The following TMPRSS7 variants were observed in gnomAD, a reference collection of about 807,000 sequenced individuals.
The protein encoded by TMPRSS7 is transmembrane protease serine 7.
In TMPRSS7, 81 loss-of-function variants were observed where a neutral mutation model predicts 95.6. The ratio of observed to expected loss-of-function variants is 0.85; its 90% CI spans 0.71 to 1.02. The LOEUF (loss-of-function observed/expected upper bound fraction) is 1.02, where lower values mean the gene tolerates loss of function less well. TMPRSS7 is among the 50% of genes least tolerant of loss of function. The pLI is 0.00. For synonymous variants in TMPRSS7, 364 were observed against 337.8 expected (o/e 1.08, Z -0.85); for missense variants, 945 against 955.2 (o/e 0.99, Z 0.14).
chr3:112,075,543 A>G, intron 15 of TMPRSS7, 51 bp downstream of exon 15: 1 of 1,320,358 alleles, frequency 7.6e-7, no homozygotes, highest in Non-Finnish European at 9.8e-7. Context: ...GCCATAGACA[A>G]TATATCTGCC....
intron 13 of TMPRSS7, among the ~76,000 whole-genome samples, chr3:112,069,422 C>G (rs2073615440): frequency 6.6e-6 from 1 of 152,184 alleles, no homozygotes; most frequent in Non-Finnish European, 1.5e-5. Flanking sequence ...CTTTGTGCCT[C>G]TGATAGAATT....
chr3:112,034,782 G>A (rs2073140045), upstream of TMPRSS7: 1 of 701,136 alleles, frequency 1.4e-6, no homozygotes, highest in Non-Finnish European at 2.6e-6. Context: ...TCTCAAGAGA[G>A]CATATAAGGG....
rs1356060752 is a variant in TMPRSS7, at chr3:112,042,054, A to G, written c.429+4A>G. ...GTCACGGACTGTGCAGCAAGTGGTG[A>G]GGCGATGGAGGTAGAGGGTATTAGG... On this transcript the variant is annotated splice_donor_region_variant and intron_variant, in intron 3 of 17. Transcript: ENST00000452346. The G allele has an allele frequency of 6.4e-7, 1 of 1,551,142 alleles. No homozygotes were observed. The highest frequency in any genetic ancestry group is 1.2e-5 in the South Asian group (1 of 84,032).
intron 16 of TMPRSS7, 132 bp from the exon 17 acceptor site, chr3:112,078,607 ATAG>A (rs1232920531): frequency 8.7e-7 from 1 of 1,146,628 alleles, no homozygotes; most frequent in Non-Finnish European, 1.2e-6. Context: ...AATGAGGATA[ATAG>A]TAGAATTTAC....
intron 12 of TMPRSS7, among the ~76,000 whole-genome samples, chr3:112,063,836 G>A (rs1283416442): frequency 6.6e-6 from 1 of 152,120 alleles, no homozygotes; most frequent in Non-Finnish European, 1.5e-5. Flanking sequence ...TCTAGGCTGG[G>A]CTCATATGGG....
intron 14 of TMPRSS7, among the ~76,000 whole-genome samples, chr3:112,074,826 G>A (rs918103025): frequency 6.6e-6 from 1 of 152,166 alleles, no homozygotes; most frequent in African/African-American, 2.4e-5. Context: ...TATTAGTCAT[G>A]TGGCTACTAC....
At chr3:112,063,535 T>G (rs1270425101) in exon 12 of TMPRSS7, 1 of 1,613,922 alleles carries the variant, frequency 6.2e-7, no homozygotes, top group African/African-American at 1.3e-5. Context: ...CCTGCCCTGT[T>G]GGATCTTTTA....
rs574287382 is a variant in TMPRSS7, at chr3:112,080,578, C to CACT, written c.2362-334_2362-333insTAC. ...CTACTACTACTACTACTATTACCAC[C>CACT]ACCACCACCACCATCACCACTAGTA... On this transcript the variant is annotated intron_variant, in intron 17 of 17. Transcript: ENST00000452346. 7.1e-3 allele frequency among the ~76,000 whole-genome samples: 1,071 copies of CACT among 151,828 alleles called. 12 individuals are homozygous for CACT. The highest frequency in any genetic ancestry group is 0.025 in the African/African-American group (1,035 of 41,316).
intron 10 of TMPRSS7, among the ~76,000 whole-genome samples, chr3:112,060,577 G>C (rs113053707): frequency 0.043 from 6,490 of 152,288 alleles, 422 homozygotes; most frequent in African/African-American, 0.14. Context: ...AAATATGGCT[G>C]TGTTCTGCCT....
chr3:112,076,940 G>A (rs376040109), exon 16 of TMPRSS7: 1 of 1,614,098 alleles, frequency 6.2e-7, no homozygotes, highest in African/African-American at 1.3e-5. Context: ...TGCCAAGTTT[G>A]TCTCCCCGGT....
intron 5 of TMPRSS7, 150 bp downstream of exon 5, chr3:112,046,093 TG>T: frequency 1.4e-6 from 1 of 712,576 alleles, no homozygotes; most frequent in South Asian, 2.0e-5. Flanking sequence ...ATTGGAGCTA[TG>T]TTAGTAAAGG....
At chr3:112,060,606 G>C (rs1278916399) in intron 10 of TMPRSS7, among the ~76,000 whole-genome samples, 1 of 152,226 alleles carries the variant, frequency 6.6e-6, no homozygotes, top group African/African-American at 2.4e-5. Context: ...AGCGGTCAGA[G>C]TTTAAGGTTA....
chr3:112,050,653 A>C lies in TMPRSS7; in HGVS notation c.1091-18A>C. Reference sequence around the variant, plus strand: ...TCACAGCTGCAAATCATTGTGTGTCACTGGGTATCTTTTCCAGAGTGTGAA... The same window carrying C: ...TCACAGCTGCAAATCATTGTGTGTCCCTGGGTATCTTTTCCAGAGTGTGAA... On this transcript the variant is annotated intron_variant, in intron 8 of 17. Coordinates refer to ENST00000452346, the Ensembl canonical transcript of TMPRSS7. 6.9e-7 allele frequency: 1 copy of C among 1,454,524 alleles called. No individual in the cohort carries two copies. The highest frequency in any genetic ancestry group is 9.4e-7 in the Non-Finnish European group (1 of 1,061,866). 90.1% of individuals were successfully genotyped at this position (1,454,524 alleles called of 1,614,324 possible).
chr3:112,044,260 C>T (rs1469609000), exon 4 of TMPRSS7: 4 of 1,549,432 alleles, frequency 2.6e-6, no homozygotes, highest in Non-Finnish European at 3.5e-6. Context: ...TTCAGATAAA[C>T]CTGGTTTATA....
Position 112,038,098 on chromosome 3 carries a change from C to T in TMPRSS7, c.75C>T (p.Val25=), listed in dbSNP as rs923625611. 4.3e-6 allele frequency: 3 copies of T among 702,426 alleles called. No homozygotes were observed. The African/African-American group carries it at 5.2e-5, about 12-fold the overall frequency. 43.5% of individuals were successfully genotyped at this position (702,426 alleles called of 1,614,324 possible). A position where few individuals can be genotyped will look rare whatever the true frequency, so the allele number is the denominator to read the frequency against. The change falls in exon 2 of 18, where the codon GTC becomes GTT. Residue 25 remains valine (V), a synonymous_variant. Transcript: ENST00000452346. ...TATCCAATATCTCAGTCCAAGTGGT[C>T]AGTGCCCAAAAGAAGCTGCCAGTGA...
intron 4 of TMPRSS7, 61 bp from the exon 5 acceptor site, chr3:112,045,689 G>A: frequency 6.9e-7 from 1 of 1,448,214 alleles, no homozygotes; most frequent in Non-Finnish European, 9.2e-7. Context: ...TCCATCATCT[G>A]GGTATTTCTT....
chr3:112,072,297 T>C (rs2073658299), intron 13 of TMPRSS7, among the ~76,000 whole-genome samples: 1 of 152,218 alleles, frequency 6.6e-6, no homozygotes, highest in Admixed American at 6.5e-5. Flanking sequence ...ACAGCAAATA[T>C]TGCAGAGCAG....
rs761953101 is a variant in TMPRSS7, at chr3:112,061,842, G to A, written c.1366G>A (p.Val456Ile). 2.5e-6 allele frequency: 4 copies of A among 1,612,686 alleles called. No homozygotes were observed. The Admixed American group carries it at 5.0e-5, about 20-fold the overall frequency. The change falls in exon 11 of 18, where the codon GTT (valine) becomes ATT (isoleucine). Residue 456 changes from valine to isoleucine, a missense_variant. Coordinates refer to ENST00000452346, the Ensembl canonical transcript of TMPRSS7. ...AATTTTTCGAGTGCCCAGCCCTCTG[G>A]TTCACATTCAGCTCCAGTGCAGTTC...
chr3:112,065,848 A>G (rs2073569388), intron 12 of TMPRSS7, among the ~76,000 whole-genome samples: 1 of 152,260 alleles, frequency 6.6e-6, no homozygotes, highest in African/African-American at 2.4e-5. Flanking sequence ...AATATTTCCT[A>G]ATTCAGGAAA....
Sources: allele counts gnomAD v4.1 joint callset (sites outside exome capture counted in the v4.1 genomes callset), GRCh38; gene constraint gnomAD v4.1.1; transcripts MANE v1.5; gene names NCBI Gene and HGNC (gene_info 2026-07-23, HGNC 2026-07-21).